The following GSE1 variants were observed in gnomAD, a reference collection of about 807,000 sequenced individuals.
The protein encoded by GSE1 is genetic suppressor element 1.
Under a neutral mutation model 112.6 loss-of-function variants are expected in GSE1, and 32 were observed. The observed-to-expected ratio is 0.28, with a 90% CI of 0.21 to 0.38. The LOEUF (loss-of-function observed/expected upper bound fraction) is 0.38, where lower values mean the gene tolerates loss of function less well. Among genes scored for constraint, GSE1 ranks in the 10% least tolerant of loss-of-function variants. The probability of loss-of-function intolerance (pLI) is 1.00; values close to 1 mark genes in which losing one functional copy is unlikely to be tolerated. For missense variants in GSE1, 2,348 were observed against 1,699.2 expected (o/e 1.38, Z -6.71); for synonymous variants, 1,115 against 735.6 (o/e 1.52, Z -8.35).
chr16:85,671,938 C>T, intron 15 of GSE1: 1 of 166,266 alleles, frequency 6.0e-6, no homozygotes, highest in Non-Finnish European at 1.3e-5. Context: ...GCCAAGACAG[C>T]AGCAGATGCC....
chr16:85,591,598 T>C (rs1294545630), intron 1 of GSE1, among the ~76,000 whole-genome samples: 3 of 152,096 alleles, frequency 2.0e-5, no homozygotes, highest in African/African-American at 7.2e-5. Context: ...AAGACCAGCC[T>C]CCCCTCTGAC....
At chr16:85,197,900 G>A (rs1180333365) in intron 1 of GSE1, among the ~76,000 whole-genome samples, 2 of 152,222 alleles carry the variant, frequency 1.3e-5, no homozygotes, top group Non-Finnish European at 2.9e-5. Context: ...AATCAGCGTG[G>A]TTCTCGTGAG....
chr16:85,477,211 A>G (rs2050485423), intron 2 of GSE1, among the ~76,000 whole-genome samples: 1 of 152,070 alleles, frequency 6.6e-6, no homozygotes, highest in Non-Finnish European at 1.5e-5. Flanking sequence ...ATTCCTGTGC[A>G]ACTTCTTGCT....
intron 1 of GSE1, among the ~76,000 whole-genome samples, chr16:85,252,263 C>G (rs900236215): frequency 6.6e-6 from 1 of 151,820 alleles, no homozygotes; most frequent in African/African-American, 2.4e-5. Flanking sequence ...TATCTCCATG[C>G]GATCACCCGG....
intron 1 of GSE1, among the ~76,000 whole-genome samples, chr16:85,193,220 G>C (rs777937953): frequency 6.6e-6 from 1 of 152,116 alleles, no homozygotes; most frequent in African/African-American, 2.4e-5. Flanking sequence ...TCAATTCTTC[G>C]GTGTCTGTTT....
At chr16:85,638,219 C>G (rs1249410580) in intron 2 of GSE1, among the ~76,000 whole-genome samples, 1 of 152,234 alleles carries the variant, frequency 6.6e-6, no homozygotes. Context: ...TCAATTCAGA[C>G]GAAGCTGTGG....
chr16:85,654,008 A>C (rs1198763676), intron 3 of GSE1, among the ~76,000 whole-genome samples: 1 of 151,992 alleles, frequency 6.6e-6, no homozygotes, highest in African/African-American at 2.4e-5. Context: ...GGGGGGTTCT[A>C]GTTCTTTTGC....
intron 3 of GSE1, among the ~76,000 whole-genome samples, chr16:85,650,888 G>A (rs192896828): frequency 0.011 from 1,604 of 152,150 alleles, 13 homozygotes; most frequent in Non-Finnish European, 0.014. Context: ...CCTTCTCGGG[G>A]TCACCCCTCT....
At chr16:85,269,593 C>G (rs8062154) in intron 1 of GSE1, among the ~76,000 whole-genome samples, 74,695 of 148,468 alleles carry the variant, frequency 0.5, 22,211 homozygotes, top group African/African-American at 0.63. Context: ...AGACTCCTGA[C>G]TCCCCGGTGC....
chr16:85,619,212 C>G (rs2048568668), intron 1 of GSE1, among the ~76,000 whole-genome samples: 1 of 152,198 alleles, frequency 6.6e-6, no homozygotes, highest in Non-Finnish European at 1.5e-5. Flanking sequence ...GCACTCTGGG[C>G]CCAGGTGGCG....
intron 1 of GSE1, among the ~76,000 whole-genome samples, chr16:85,562,582 G>A (rs1370796406): frequency 6.6e-6 from 1 of 152,262 alleles, no homozygotes; most frequent in African/African-American, 2.4e-5. Flanking sequence ...GGAAAGTGCA[G>A]GGTGGGAGCG....
intron 1 of GSE1, among the ~76,000 whole-genome samples, chr16:85,563,538 G>T (rs1410551295): frequency 6.6e-6 from 1 of 152,168 alleles, no homozygotes; most frequent in Non-Finnish European, 1.5e-5. Flanking sequence ...TGGGGTTTGG[G>T]TAAAGCCAGG....
At chr16:85,249,522 T>G (rs1906223823) in intron 1 of GSE1, among the ~76,000 whole-genome samples, 1 of 152,132 alleles carries the variant, frequency 6.6e-6, no homozygotes. Flanking sequence ...GGGGCGCGCC[T>G]CTCTCCAAAG....
intron 1 of GSE1, among the ~76,000 whole-genome samples, chr16:85,605,836 GC>G (rs2151504723): frequency 6.6e-6 from 1 of 152,064 alleles, no homozygotes; most frequent in South Asian, 2.1e-4. Context: ...GTGATCAGAA[GC>G]CTCAAACAGC....
chr16:85,235,354 C>G (rs555698719), intron 1 of GSE1, among the ~76,000 whole-genome samples: 4 of 151,780 alleles, frequency 2.6e-5, no homozygotes, highest in Admixed American at 2.6e-4. Flanking sequence ...CCCCTCACCC[C>G]CCTCCCACCT....
chr16:85,320,047 G>T (rs1247242900), intron 1 of GSE1, among the ~76,000 whole-genome samples: 1 of 152,324 alleles, frequency 6.6e-6, no homozygotes, highest in African/African-American at 2.4e-5. Flanking sequence ...TTCTCAGATG[G>T]ATAATGACAG....
At chr16:85,612,838 T>C (rs2048081989), upstream of GSE1, among the ~76,000 whole-genome samples, 1 of 152,230 alleles carries the variant, frequency 6.6e-6, no homozygotes, top group Admixed American at 6.5e-5. Context: ...GGGCCTGCTC[T>C]GTGTCAGGCA....
At chr16:85,437,543 C>T (rs1009692702) in intron 2 of GSE1, among the ~76,000 whole-genome samples, 3 of 152,002 alleles carry the variant, frequency 2.0e-5, no homozygotes, top group South Asian at 2.1e-4. Context: ...CACAGCCCTG[C>T]GGGTTCTACC....
intron 2 of GSE1, among the ~76,000 whole-genome samples, chr16:85,526,937 C>T (rs1263343976): frequency 6.6e-6 from 1 of 152,234 alleles, no homozygotes; most frequent in East Asian, 1.9e-4. Context: ...ATGAGTTCAT[C>T]TATTTAATTA....
Sources: gnomAD v4.1 joint callset for allele counts (sites outside exome capture counted in the v4.1 genomes callset) on GRCh38, gnomAD v4.1.1 for gene constraint, MANE v1.5 for transcripts, NCBI Gene and HGNC (gene_info 2026-07-23, HGNC 2026-07-21) for gene names.